FBL: variants seen among roughly 807,000 people sequenced by gnomAD.
The protein encoded by FBL is fibrillarin rRNA 2'-O-methyltransferase, also known as rRNA 2'-O-methyltransferase fibrillarin.
FBL carries 10 observed loss-of-function variants against 42.2 expected under a neutral mutation model. That is an observed-to-expected ratio of 0.24 (90% CI 0.15 to 0.40). The LOEUF is 0.40. Among genes scored for constraint, FBL ranks in the 10% least tolerant of loss-of-function variants. The pLI, the probability that FBL is intolerant of heterozygous loss-of-function variation, is 1.00. For missense variants in FBL, 351 were observed against 439.2 expected (o/e 0.80, Z 1.79); for synonymous variants, 165 against 165.4 (o/e 1.00, Z 0.02).
rs1969264096 is a variant in FBL, at chr19:39,846,364, T to G, written c.-64A>C. 3.7e-6 allele frequency: 6 copies of G among 1,601,628 alleles called. No homozygotes were observed. The highest frequency in any genetic ancestry group is 2.2e-5 in the South Asian group (2 of 89,350). On this transcript the variant is annotated 5_prime_UTR_variant, in exon 1 of 9. Coordinates refer to ENST00000221801, the MANE Select transcript of FBL (RefSeq NM_001436.4). ...TTCACAACTCCACGAGTCCGGGGCT[T>G]TCGCACGTGGAAAAGAGCGCAGGCG...
At position 39,836,620 on chromosome 19, in the gene FBL, C is replaced by A; in HGVS notation, c.731G>T (p.Arg244Leu). Residue 244 changes from arginine (R) to leucine (L), a missense_variant, in exon 7 of 9, where the codon CGG (arginine) becomes CTG (leucine). Coordinates refer to ENST00000221801, the MANE Select transcript of FBL (RefSeq NM_001436.4). The part of the protein sequence containing the change: ...FADVAQPDQT[R>L]IVALNAHTFL... The stretch of plus-strand genomic sequence containing the variant: ...GGTGTGGGCATTCAGGGCCACAATC[C>A]GGGTCTGGTCTGGCTGGGCCACATC... 1 of 1,614,150 alleles carries A rather than the reference C, an allele frequency of 6.2e-7. No individual in the cohort carries two copies. The highest frequency in any genetic ancestry group is 1.1e-5 in the South Asian group (1 of 91,078).
chr19:39,846,215 C>G, intron 1 of FBL, 76 bp downstream of exon 1: 1 of 1,565,534 alleles, frequency 6.4e-7, no homozygotes, highest in Non-Finnish European at 8.8e-7. Context: ...AAGGCCCCAC[C>G]CCTCCGATTC....
intron 7 of FBL, 111 bp from the exon 8 acceptor site, chr19:39,834,924 T>C (rs76210236): frequency 0.033 from 37,482 of 1,122,016 alleles, 798 homozygotes; most frequent in Non-Finnish European, 0.037. Context: ...CTCAGTGCTA[T>C]GGTTCTAGTG....
In FBL at chr19:39,840,256, C is replaced by T. The variant is rs760806240; in HGVS notation, c.355G>A (p.Gly119Arg). 6.2e-7 allele frequency: 1 copy of T among 1,614,050 alleles called. No individual in the cohort carries two copies. Among genetic ancestry groups the T allele is most frequent in the South Asian group, 1.1e-5 (1 of 91,084 alleles). ...ACCGAAATCGAGACTCTCTTCTCTCCATAAACTGATTCCCCAGGGACCAGG... is the reference window on the plus strand; with the variant it reads ...ACCGAAATCGAGACTCTCTTCTCTCTATAAACTGATTCCCCAGGGACCAGG... ...KNLVPGESVY[G>R]EKRVSISEGD... is the part of the protein sequence containing the mutation. Residue 119 changes from glycine (G) to arginine (R), a missense_variant, in exon 4 of 9, where the codon GGA becomes AGA. By Grantham distance (125) the Gly-to-Arg change is moderately radical. Coordinates refer to ENST00000221801, the MANE Select transcript of FBL (RefSeq NM_001436.4). The surrounding 1 kb of genome is among the most constrained non-coding windows in gnomAD (Gnocchi z 4.5).
Position 39,840,816 on chromosome 19 carries a change from G to A in FBL, c.11-29C>T. The A allele has an allele frequency of 6.7e-7, 1 of 1,502,380 alleles. No individual in the cohort carries two copies. 93.1% of individuals were successfully genotyped at this position (1,502,380 alleles called of 1,614,324 possible). On this transcript the variant is annotated intron_variant, in intron 1 of 8. Transcript: ENST00000221801. The surrounding 1 kb of genome is among the most constrained non-coding windows in gnomAD (Gnocchi z 4.5). ...TGGGGGAAACAAAACAGGAGTCAGGGCAATGAAGCTTAAAAGGTTAAACCA... is the reference window on the plus strand; with the variant it reads ...TGGGGGAAACAAAACAGGAGTCAGGACAATGAAGCTTAAAAGGTTAAACCA...
rs754605984 is a variant in FBL at position 39,836,545 on chromosome 19, A to G, written c.795+11T>C. The G allele has an allele frequency of 1.9e-6, 3 of 1,592,338 alleles. No individual in the cohort carries two copies. The highest frequency in any genetic ancestry group is 3.3e-5 in the Admixed American group (2 of 59,888). On this transcript the variant is annotated intron_variant, in intron 7 of 8. Coordinates refer to ENST00000221801, the MANE Select transcript of FBL (RefSeq NM_001436.4). ...CTGCCACCCCATCTTAGACTCTTCC[A>G]AACCCCGCACCTTAATGGAAATCAC...
intron 1 of FBL, among the ~76,000 whole-genome samples, chr19:39,842,984 A>G (rs1331967896): frequency 6.6e-6 from 1 of 152,174 alleles, no homozygotes; most frequent in Non-Finnish European, 1.5e-5. Context: ...AGACATGTGC[A>G]TGGCTCACTC....
intron 6 of FBL, among the ~76,000 whole-genome samples, chr19:39,836,928 T>A (rs936753579): frequency 1.3e-5 from 2 of 152,176 alleles, no homozygotes; most frequent in African/African-American, 2.4e-5. Context: ...GTGGGGGACA[T>A]AGAGACGAGT....
intron 1 of FBL, among the ~76,000 whole-genome samples, chr19:39,845,708 C>T (rs2145069955): frequency 6.6e-6 from 1 of 152,346 alleles, no homozygotes; most frequent in East Asian, 1.9e-4. Context: ...CCCCGGGGAT[C>T]CGCCCCACTG....
Position 39,837,782 on chromosome 19 carries a change from G to C in FBL, c.611C>G (p.Ala204Gly), listed in dbSNP as rs1365205305. ...HRSGRDLINL[A>G]KKRTNIIPVI... The stretch of plus-strand genomic sequence containing the variant: ...AGGAATGATGTTGGTCCTCTTCTTG[G>C]CCAAGTTAATGAGGTCACGGCCAGA... The change falls in exon 6 of 9, where the codon GCC (alanine) becomes GGC (glycine). Residue 204 changes from alanine to glycine, a missense_variant. By Grantham distance (60) the Ala-to-Gly change is moderately conservative. Transcript: ENST00000221801. 4 of 1,608,758 alleles carry C rather than the reference G, an allele frequency of 2.5e-6. No homozygotes were observed. The highest frequency in any genetic ancestry group is 2.5e-6 in the Non-Finnish European group (3 of 1,178,000).
intron 5 of FBL, chr19:39,838,198 T>A (rs1969086682): frequency 5.1e-6 from 1 of 196,760 alleles, no homozygotes; most frequent in African/African-American, 2.4e-5. Flanking sequence ...TCTTCACAAG[T>A]CTATGTTCCA....
chr19:39,834,895 A>T, intron 7 of FBL, 82 bp from the exon 8 acceptor site: 1 of 1,444,230 alleles, frequency 6.9e-7, no homozygotes, highest in Non-Finnish European at 9.6e-7. Context: ...AGATGTTTTC[A>T]TTATTAATTC....
At chr19:39,843,371 CT>C (rs1369947199) in intron 1 of FBL, among the ~76,000 whole-genome samples, 1 of 152,204 alleles carries the variant, frequency 6.6e-6, no homozygotes, top group Non-Finnish European at 1.5e-5. Flanking sequence ...GGTCACTCCC[CT>C]CAAGTATCGC....
Position 39,840,147 on chromosome 19 carries a change from C to A in FBL, c.378+86G>T, listed in dbSNP as rs1969130820. On this transcript the variant is annotated intron_variant, in intron 4 of 8. Coordinates refer to ENST00000221801, the MANE Select transcript of FBL (RefSeq NM_001436.4). The surrounding 1 kb of genome is among the most constrained non-coding windows in gnomAD (Gnocchi z 4.5). ...ATGACAATCCTCCAGCTGTCACGTG[C>A]AGGACACATGGTGAGGGCAGACACA... 4.4e-6 allele frequency: 4 copies of A among 906,562 alleles called. No homozygotes were observed. Among genetic ancestry groups the A allele is most frequent in the African/African-American group, 3.3e-5 (2 of 61,324 alleles). The allele number at this position is 906,562 out of a possible 1,614,324, so 56.2% of individuals were successfully genotyped here.
chr19:39,842,018 T>C (rs955608347), intron 1 of FBL, among the ~76,000 whole-genome samples: 1 of 152,124 alleles, frequency 6.6e-6, no homozygotes, highest in Non-Finnish European at 1.5e-5. Flanking sequence ...TTAAAAAAAA[T>C]AGTTGGAAAA....
intron 1 of FBL, among the ~76,000 whole-genome samples, chr19:39,841,924 G>A (rs181360479): frequency 1.4e-3 from 214 of 152,220 alleles, no homozygotes; most frequent in African/African-American, 5.0e-3. Flanking sequence ...ACAAAACAAC[G>A]TTTAAAACAG....
In FBL at chr19:39,840,514, A is replaced by G; in HGVS notation, c.183T>C (p.Gly61=). ...GGTTGCCACCAGAATGGAAGCCTCC[A>G]CCTATAAAGGAGAGGTACAACAGGA... ...GGGGGGGGRG[G]GGFHSGGNRG... Residue 61 remains glycine, a splice_region_variant and synonymous_variant, in exon 3 of 9, where the codon GGT becomes GGC. Coordinates refer to ENST00000221801, the MANE Select transcript of FBL (RefSeq NM_001436.4). The surrounding 1 kb of genome is among the most constrained non-coding windows in gnomAD (Gnocchi z 4.5). 1 of 1,613,856 alleles carries G rather than the reference A, an allele frequency of 6.2e-7. No individual in the cohort carries two copies. The highest frequency in any genetic ancestry group is 1.1e-5 in the South Asian group (1 of 91,066).
chr19:39,843,443 G>A (rs1969199153), intron 1 of FBL, among the ~76,000 whole-genome samples: 1 of 152,156 alleles, frequency 6.6e-6, no homozygotes, highest in African/African-American at 2.4e-5. Flanking sequence ...GTTCATAGGG[G>A]TCTTGAAAAC....
Position 39,837,740 on chromosome 19 carries a change from C to A in FBL, c.653G>T (p.Arg218Leu). Residue 218 changes from arginine (R) to leucine (L), a missense_variant, in exon 6 of 9, where the codon CGA becomes CTA. Physicochemically the swap from Arg to Leu is moderately radical, Grantham distance 102. Transcript: ENST00000221801. The stretch of plus-strand genomic sequence containing the variant: ...GAGCATGCGGTATTTGTGTGGGTGT[C>A]GAGCATCCTCGATCACAGGAATGAT... ...TNIIPVIEDA[R>L]HPHKYRMLIA... is the part of the protein sequence containing the mutation. 6.3e-7 allele frequency: 1 copy of A among 1,590,308 alleles called. No individual in the cohort carries two copies. Among genetic ancestry groups the A allele is most frequent in the East Asian group, 2.3e-5 (1 of 44,024 alleles).
Sources: gnomAD v4.1 joint callset for allele counts (sites outside exome capture counted in the v4.1 genomes callset) on GRCh38, gnomAD v4.1.1 for gene constraint, Gnocchi (gnomAD v3.1) non-coding constraint, MANE v1.5 for transcripts, NCBI Gene and HGNC (gene_info 2026-07-23, HGNC 2026-07-21) for gene names.